The following LNPK variants were observed in gnomAD, a reference collection of about 807,000 sequenced individuals.
LNPK encodes lunapark, ER junction formation factor.
Under a neutral mutation model 55.2 loss-of-function variants are expected in LNPK, and 29 were observed. The observed-to-expected ratio is 0.53, with a 90% CI of 0.39 to 0.72. LNPK has a LOEUF of 0.72. Ranked by LOEUF, LNPK falls within the 30% of genes least tolerant of loss-of-function variation. The probability of loss-of-function intolerance (pLI) is 0.00; values close to 1 mark genes in which losing one functional copy is unlikely to be tolerated. For missense variants in LNPK, 467 were observed against 494.8 expected, an observed-to-expected ratio of 0.94 and a Z score of 0.53; for synonymous variants, 162 against 168.2, an observed-to-expected ratio of 0.96 and a Z score of 0.29.
chr2:175,958,017 G>A (rs958673441), intron 8 of LNPK, among the ~76,000 whole-genome samples: 1 of 152,332 alleles, frequency 6.6e-6, no homozygotes, highest in East Asian at 1.9e-4. Context: ...AGGGGCGTCT[G>A]CCATTGCTGA....
chr2:175,993,811 A>C (rs1392197144), intron 2 of LNPK, among the ~76,000 whole-genome samples: 1 of 152,102 alleles, frequency 6.6e-6, no homozygotes, highest in Admixed American at 6.6e-5. Context: ...AATTAAATTA[A>C]ATTAAAAAAT....
chr2:175,927,914 C>A lies in LNPK; in HGVS notation c.*2053G>T, dbSNP rs576993242. On this transcript the variant is annotated 3_prime_UTR_variant, in exon 13 of 13. Transcript: ENST00000272748. ...ATTTCTTTCAAAGATATTTCTCATA[C>A]TATCTGTTTGAGTCTATCAAATTTC... 1 of 152,206 alleles carries A rather than the reference C, an allele frequency of 6.6e-6. No homozygotes were observed. The highest frequency in any genetic ancestry group is 1.5e-5 in the Non-Finnish European group (1 of 68,004). The allele number at this position is 152,206 out of a possible 1,614,324, so 9.4% of individuals were successfully genotyped here. A position where few individuals can be genotyped will look rare whatever the true frequency, so the allele number is the denominator to read the frequency against.
rs1685078859 is a variant in LNPK, at chr2:175,945,495, G to A, written c.706+1985C>T. Among the ~76,000 whole-genome samples, 7 of 116,130 alleles carry A rather than the reference G, an allele frequency of 6.0e-5. No homozygotes were observed. The South Asian group carries it at 2.3e-3, about 37-fold the overall frequency. 76.2% of individuals were successfully genotyped at this position (116,130 alleles called of 152,430 possible). On this transcript the variant is annotated intron_variant, in intron 9 of 12. Transcript: ENST00000272748. ...CACTCCAGCCTGGGCAACAGAACAA[G>A]ACTGTGTCTCAAAAGAAAAAAAAAA... is the stretch of plus-strand genomic sequence containing the variant.
intron 6 of LNPK, among the ~76,000 whole-genome samples, chr2:175,967,153 A>T (rs1004667775): frequency 2.0e-5 from 3 of 152,006 alleles, no homozygotes; most frequent in African/African-American, 4.8e-5. Context: ...ACATTATAAC[A>T]TTTTTTTGCA....
chr2:175,987,417 G>GC (rs1687475629), intron 4 of LNPK, among the ~76,000 whole-genome samples: 1 of 152,128 alleles, frequency 6.6e-6, no homozygotes, highest in Admixed American at 6.6e-5. Context: ...GCAAACTATC[G>GC]CAAGGACAAA....
At chr2:175,936,566 T>C (rs1684554133) in intron 12 of LNPK, among the ~76,000 whole-genome samples, 1 of 152,216 alleles carries the variant, frequency 6.6e-6, no homozygotes, top group Non-Finnish European at 1.5e-5. Context: ...GCCTGTTTCA[T>C]AATTGTGGCA....
In LNPK at chr2:175,924,279, T is replaced by C. The variant is rs1683912377; in HGVS notation, c.*5688A>G. ...GTCTCCATGACCATTTCAAAATAGC[T>C]ATTCATAATTCACAAAATGCCTTTA... On this transcript the variant is annotated 3_prime_UTR_variant, in exon 13 of 13. Coordinates refer to ENST00000272748, the MANE Select transcript of LNPK (RefSeq NM_030650.3). 2 of 152,234 alleles carry C rather than the reference T, an allele frequency of 1.3e-5. No individual in the cohort carries two copies. The highest frequency in any genetic ancestry group is 2.9e-5 in the Non-Finnish European group (2 of 68,036). 9.4% of individuals were successfully genotyped at this position (152,234 alleles called of 1,614,324 possible). A position where few individuals can be genotyped will look rare whatever the true frequency, so the allele number is the denominator to read the frequency against.
At chr2:175,989,201 G>A (rs1466412343) in intron 4 of LNPK, among the ~76,000 whole-genome samples, 2 of 152,186 alleles carry the variant, frequency 1.3e-5, no homozygotes, top group African/African-American at 4.8e-5. Context: ...CTTGTGGGGA[G>A]AGAGAGGAGG....
chr2:175,978,113 A>G (rs1686995248), intron 5 of LNPK, among the ~76,000 whole-genome samples: 1 of 152,200 alleles, frequency 6.6e-6, no homozygotes, highest in African/African-American at 2.4e-5. Flanking sequence ...GGATTAGTTC[A>G]GCACTCATGG....
chr2:176,002,011 G>C lies in LNPK; in HGVS notation c.-63+149C>G, dbSNP rs887365403. 7 of 290,490 alleles carry C rather than the reference G, an allele frequency of 2.4e-5. No individual in the cohort carries two copies. The Admixed American group carries it at 2.5e-4, about 11-fold the overall frequency. The allele number at this position is 290,490 out of a possible 1,614,324, so 18.0% of individuals were successfully genotyped here. On this transcript the variant is annotated intron_variant, in intron 1 of 12. Transcript: ENST00000272748. ...GGACCACCGCGCAGCCTGACTAGCA[G>C]CCGCCGCAGAGCTCTAGGCCACTTG...
rs374693944 is a variant in LNPK at position 175,939,985 on chromosome 2, G to C, written c.707-328C>G. On this transcript the variant is annotated intron_variant, in intron 9 of 12. Transcript: ENST00000272748. ...AATGCTCCAACTCTTAAAAGCCTACGTGATAGTAAATCAGGGGACTTCCAC... is the reference window on the plus strand; with the variant it reads ...AATGCTCCAACTCTTAAAAGCCTACCTGATAGTAAATCAGGGGACTTCCAC... Among the ~76,000 whole-genome samples the C allele has an allele frequency of 6.6e-6, 1 of 152,012 alleles. No individual in the cohort carries two copies. The highest frequency in any genetic ancestry group is 1.5e-5 in the Non-Finnish European group (1 of 68,014).
intron 1 of LNPK, among the ~76,000 whole-genome samples, chr2:176,001,664 A>G (rs1688165185): frequency 6.6e-6 from 1 of 152,148 alleles, no homozygotes; most frequent in Non-Finnish European, 1.5e-5. Flanking sequence ...GACAGTTTTC[A>G]GTCCCTTCTG....
intron 5 of LNPK, among the ~76,000 whole-genome samples, chr2:175,971,298 G>C (rs1038482491): frequency 2.0e-5 from 3 of 151,912 alleles, no homozygotes; most frequent in Non-Finnish European, 4.4e-5. Context: ...ATCTGAGAAG[G>C]GACATGGAAA....
At chr2:176,000,212 A>G (rs961086537) in intron 1 of LNPK, among the ~76,000 whole-genome samples, 1 of 152,254 alleles carries the variant, frequency 6.6e-6, no homozygotes, top group African/African-American at 2.4e-5. Flanking sequence ...ACACATTAAA[A>G]TAATGCAATA....
intron 4 of LNPK, among the ~76,000 whole-genome samples, chr2:175,988,149 A>G (rs1687514437): frequency 6.6e-6 from 1 of 152,152 alleles, no homozygotes; most frequent in South Asian, 2.1e-4. Context: ...TCAAACAACC[A>G]TATCATAAGC....
At chr2:175,967,733 T>A in intron 6 of LNPK, 1 of 975,360 alleles carries the variant, frequency 1.0e-6, no homozygotes, top group South Asian at 4.7e-5. Flanking sequence ...TATCATTTTC[T>A]TTCATATAAG....
At chr2:175,971,200 A>T (rs1360457579) in intron 5 of LNPK, among the ~76,000 whole-genome samples, 8 of 152,130 alleles carry the variant, frequency 5.3e-5, no homozygotes, top group Non-Finnish European at 1.2e-4. Flanking sequence ...CTCTTTGTTT[A>T]TAAGGAAATA....
Position 175,929,021 on chromosome 2 carries a change from T to C in LNPK, c.*946A>G. On this transcript the variant is annotated 3_prime_UTR_variant, in exon 13 of 13. Transcript: ENST00000272748. ...TTTGCTCTAAGCAGAATCTACAGAT[T>C]TATTGTATTGTGAGCTATTCCTCCT... is the stretch of plus-strand genomic sequence containing the variant. 1.6e-6 allele frequency: 1 copy of C among 640,200 alleles called. No individual in the cohort carries two copies. Among genetic ancestry groups the C allele is most frequent in the Non-Finnish European group, 1.9e-6 (1 of 514,234 alleles). The allele number at this position is 640,200 out of a possible 1,614,324, so 39.7% of individuals were successfully genotyped here. A position where few individuals can be genotyped will look rare whatever the true frequency, so the allele number is the denominator to read the frequency against.
chr2:175,932,263 G>A, intron 12 of LNPK: 1 of 435,942 alleles, frequency 2.3e-6, no homozygotes, highest in Non-Finnish European at 4.6e-6. Flanking sequence ...CCGATTTAAT[G>A]TACAAATTCT....
Sources: allele counts gnomAD v4.1 joint callset (sites outside exome capture counted in the v4.1 genomes callset), GRCh38; gene constraint gnomAD v4.1.1; transcripts MANE v1.5; gene names NCBI Gene and HGNC (gene_info 2026-07-23, HGNC 2026-07-21).